The following SPECC1 variants were observed in gnomAD, a reference collection of about 807,000 sequenced individuals.
The protein encoded by SPECC1 is sperm antigen with calponin homology and coiled-coil domains 1, also known as cytospin-B.
In SPECC1, 62 loss-of-function variants were observed where a neutral mutation model predicts 104.1. That is an observed-to-expected ratio of 0.60 (90% CI 0.49 to 0.74). The LOEUF (loss-of-function observed/expected upper bound fraction) is 0.74, where lower values mean the gene tolerates loss of function less well. Ranked by LOEUF, SPECC1 falls within the 30% of genes least tolerant of loss-of-function variation. SPECC1 has a pLI of 0.00. For missense variants in SPECC1, 1,306 were observed against 1,310.5 expected (o/e 1.00, Z 0.05); for synonymous variants, 513 against 501.6 (o/e 1.02, Z -0.30).
chr17:20,060,028 T>C (rs962710938), intron 1 of SPECC1, among the ~76,000 whole-genome samples: 1 of 152,218 alleles, frequency 6.6e-6, no homozygotes, highest in African/African-American at 2.4e-5. Context: ...TTTAGTGTTA[T>C]TTGATAGAGG....
chr17:20,290,391 G>T (rs201310385), intron 12 of SPECC1: 1 of 151,254 alleles, frequency 6.6e-6, no homozygotes, highest in African/African-American at 2.4e-5. Context: ...ACCCAGGCTG[G>T]TGTGATCATG....
rs533352484 is a variant in SPECC1, at chr17:20,011,521, T to A, written c.-22+2097T>A. Among the ~76,000 whole-genome samples the A allele has an allele frequency of 1.8e-3, 273 of 152,286 alleles. 2 individuals are homozygous for A. The highest frequency in any genetic ancestry group is 1.9e-3 in the Non-Finnish European group (131 of 68,020). ...CTTTTTTTGGTACCTTTTCTCTTTTTTTTTGATCAGACTTGCTTAATGATT... is the reference window on the plus strand; with the variant it reads ...CTTTTTTTGGTACCTTTTCTCTTTTATTTTGATCAGACTTGCTTAATGATT... On this transcript the variant is annotated intron_variant, in intron 1 of 14. Coordinates refer to ENST00000395527, the MANE Select transcript of SPECC1 (RefSeq NM_001243439.2).
intron 3 of SPECC1, among the ~76,000 whole-genome samples, chr17:20,159,243 C>T (rs2032910425): frequency 6.6e-6 from 1 of 152,014 alleles, no homozygotes; most frequent in Non-Finnish European, 1.5e-5. Flanking sequence ...CCATGCCTGG[C>T]GTAGAGATGG....
rs781687293 is a variant in SPECC1, at chr17:20,314,102, C to T, written c.*37C>T. 3.8e-6 allele frequency: 6 copies of T among 1,581,152 alleles called. No homozygotes were observed. The highest frequency in any genetic ancestry group is 1.7e-4 in the Middle Eastern group (1 of 6,022). ...CTGGGGCAGCCACCATTGCCACCTACTGCAGCTTTTCCTGGAAGCGCCTGA... is the reference window on the plus strand; with the variant it reads ...CTGGGGCAGCCACCATTGCCACCTATTGCAGCTTTTCCTGGAAGCGCCTGA... On this transcript the variant is annotated 3_prime_UTR_variant, in exon 15 of 15. Transcript: ENST00000395527.
Position 20,199,412 on chromosome 17 carries a change from T to A in SPECC1, c.284-4921T>A, listed in dbSNP as rs866687966. Among the ~76,000 whole-genome samples, 638 of 80,002 alleles carry A rather than the reference T, an allele frequency of 8.0e-3. 7 individuals carry two copies. The highest frequency in any genetic ancestry group is 0.037 in the African/African-American group (566 of 15,422). The allele number at this position is 80,002 out of a possible 152,430, so 52.5% of individuals were successfully genotyped here. ...TTTTTTTTTTTTTTTTTTTTTTTTT[T>A]AAATAGAGACAGGGTCTTTCTCTGG... is the stretch of plus-strand genomic sequence containing the variant. On this transcript the variant is annotated intron_variant, in intron 3 of 14. Transcript: ENST00000395527.
At chr17:20,236,755 C>G in intron 7 of SPECC1, 1 of 1,382,786 alleles carries the variant, frequency 7.2e-7, no homozygotes, top group Non-Finnish European at 9.9e-7. Flanking sequence ...ATTAGCTTTT[C>G]CCTGTGGGAC....
At chr17:20,311,451 C>G (rs938496052) in intron 14 of SPECC1, among the ~76,000 whole-genome samples, 12 of 151,890 alleles carry the variant, frequency 7.9e-5, no homozygotes, top group Non-Finnish European at 1.0e-4. Context: ...GGTGCAATGG[C>G]ATGATCTCGG....
chr17:20,263,949 A>G (rs753725777), intron 12 of SPECC1, among the ~76,000 whole-genome samples: 2 of 152,156 alleles, frequency 1.3e-5, no homozygotes, highest in Non-Finnish European at 2.9e-5. Context: ...CGTTTGATGA[A>G]ACCCAAAACT....
chr17:20,035,471 T>C (rs183999990), intron 1 of SPECC1, among the ~76,000 whole-genome samples: 9 of 152,350 alleles, frequency 5.9e-5, no homozygotes, highest in African/African-American at 1.9e-4. Flanking sequence ...CAGCGTTTTG[T>C]AGTTTTCAGC....
chr17:20,122,763 C>T (rs760349795), intron 3 of SPECC1, among the ~76,000 whole-genome samples: 53 of 152,226 alleles, frequency 3.5e-4, no homozygotes, highest in Admixed American at 5.9e-4. Context: ...TTATTTCACT[C>T]AGCATAATAT....
At chr17:20,214,591 T>G (rs1279171170) in intron 4 of SPECC1, among the ~76,000 whole-genome samples, 1 of 152,182 alleles carries the variant, frequency 6.6e-6, no homozygotes, top group Non-Finnish European at 1.5e-5. Flanking sequence ...CACTGCAGCC[T>G]CCACCTCCTG....
chr17:20,234,504 TC>T (rs1190663412), intron 7 of SPECC1, among the ~76,000 whole-genome samples: 2 of 152,192 alleles, frequency 1.3e-5, no homozygotes, highest in African/African-American at 4.8e-5. Context: ...TGAAACCAAC[TC>T]ACACCCTCAA....
At chr17:20,182,700 T>C (rs2034991878) in intron 3 of SPECC1, among the ~76,000 whole-genome samples, 1 of 152,224 alleles carries the variant, frequency 6.6e-6, no homozygotes, top group African/African-American at 2.4e-5. Context: ...AATGACAGCG[T>C]AATACTATCA....
intron 1 of SPECC1, among the ~76,000 whole-genome samples, chr17:20,090,345 C>T (rs553666138): frequency 2.2e-4 from 33 of 152,142 alleles, no homozygotes; most frequent in Admixed American, 7.2e-4. Flanking sequence ...CTGCACTTTC[C>T]GTTTTGCTTC....
chr17:20,249,081 A>G (rs1240164719), intron 9 of SPECC1, among the ~76,000 whole-genome samples: 5 of 152,320 alleles, frequency 3.3e-5, no homozygotes, highest in African/African-American at 1.2e-4. Context: ...TCCTTAAATT[A>G]TAGCCACATT....
chr17:20,196,910 C>T (rs150327591), intron 3 of SPECC1, among the ~76,000 whole-genome samples: 37 of 152,028 alleles, frequency 2.4e-4, no homozygotes, highest in Non-Finnish European at 3.1e-4. Flanking sequence ...TTGTATTTCC[C>T]GAAGATTACT....
rs114886949 is a variant in SPECC1 at position 20,211,662 on chromosome 17, C to A, written c.1863+5750C>A. Among the ~76,000 whole-genome samples, 664 of 152,348 alleles carry A rather than the reference C, an allele frequency of 4.4e-3. 4 individuals carry two copies. Among genetic ancestry groups the A allele is most frequent in the African/African-American group, 0.015 (623 of 41,580 alleles). On this transcript the variant is annotated intron_variant, in intron 4 of 14. Transcript: ENST00000395527. ...AGGTCCTCTCCCGACACCCCCAGGT[C>A]TCTGTTCTTGAAGCCCCTTGAAAAG...
At chr17:20,110,346 G>C (rs1413612951) in intron 2 of SPECC1, 81 bp from the exon 3 acceptor site, 7 of 1,482,632 alleles carry the variant, frequency 4.7e-6, no homozygotes, top group Admixed American at 2.1e-5. Context: ...ACATAGCCCA[G>C]CTCCCATGCT....
At chr17:20,297,398 ACATT>A (rs2041389965) in intron 13 of SPECC1, among the ~76,000 whole-genome samples, 1 of 152,246 alleles carries the variant, frequency 6.6e-6, no homozygotes, top group South Asian at 2.1e-4. Flanking sequence ...ATATTGCATC[ACATT>A]TTCAGAGAGC....
Sources: allele counts gnomAD v4.1 joint callset (sites outside exome capture counted in the v4.1 genomes callset), GRCh38; gene constraint gnomAD v4.1.1; transcripts MANE v1.5; gene names NCBI Gene and HGNC (gene_info 2026-07-23, HGNC 2026-07-21).